DCC: variants seen among roughly 807,000 people sequenced by gnomAD.
The protein encoded by DCC is DCC netrin 1 receptor.
DCC carries 58 observed loss-of-function variants against 172.5 expected under a neutral mutation model. That is an observed-to-expected ratio of 0.34 (90% CI 0.27 to 0.42). The LOEUF (loss-of-function observed/expected upper bound fraction) is 0.42, where lower values mean the gene tolerates loss of function less well. Among genes scored for constraint, DCC ranks in the 10% least tolerant of loss-of-function variants. The probability of loss-of-function intolerance (pLI) is 1.00; values close to 1 mark genes in which losing one functional copy is unlikely to be tolerated. For synonymous variants in DCC, 709 were observed against 644.5 expected (o/e 1.10, Z -1.52); for missense variants, 1,740 against 1,791.0 (o/e 0.97, Z 0.51).
chr18:53,369,253 A>G (rs2144952563), intron 15 of DCC, among the ~76,000 whole-genome samples: 1 of 151,976 alleles, frequency 6.6e-6, no homozygotes. Flanking sequence ...ATTTTATGGA[A>G]ACACAACTGA....
intron 1 of DCC, among the ~76,000 whole-genome samples, chr18:52,505,961 C>T (rs2144637062): frequency 6.6e-6 from 1 of 152,034 alleles, no homozygotes; most frequent in East Asian, 1.9e-4. Context: ...GAAATATTTC[C>T]TTTGGTTGTG....
chr18:52,892,707 T>C (rs1479970253), intron 2 of DCC, among the ~76,000 whole-genome samples: 1 of 152,164 alleles, frequency 6.6e-6, no homozygotes, highest in Non-Finnish European at 1.5e-5. Flanking sequence ...TATCAAAAAT[T>C]TGGTAATTCT....
chr18:52,564,667 T>TGGG (rs66655401), intron 1 of DCC, among the ~76,000 whole-genome samples: 3 of 110,500 alleles, frequency 2.7e-5, no homozygotes, highest in African/African-American at 1.1e-4. Context: ...ATTATAATAT[T>TGGG]GGGGGGGGGG....
At chr18:53,007,498 A>G (rs1163439494) in intron 5 of DCC, among the ~76,000 whole-genome samples, 1 of 152,132 alleles carries the variant, frequency 6.6e-6, no homozygotes, top group African/African-American at 2.4e-5. Context: ...TAAGGAGGGA[A>G]ACCTAATTTG....
intron 1 of DCC, among the ~76,000 whole-genome samples, chr18:52,653,366 G>A (rs1050332090): frequency 1.3e-5 from 2 of 152,122 alleles, no homozygotes; most frequent in African/African-American, 4.8e-5. Context: ...TGTGATAGGA[G>A]ATTTATGTTT....
At chr18:52,967,698 T>C in intron 5 of DCC, among the ~76,000 whole-genome samples, 1 of 152,182 alleles carries the variant, frequency 6.6e-6, no homozygotes, top group East Asian at 1.9e-4. Context: ...TAGATCTCTC[T>C]CTAGATGAGC....
At chr18:52,846,443 G>A (rs1455928527) in intron 2 of DCC, among the ~76,000 whole-genome samples, 1 of 152,098 alleles carries the variant, frequency 6.6e-6, no homozygotes, top group African/African-American at 2.4e-5. Context: ...GGGAGTCTGA[G>A]GTAGGAGGAT....
intron 20 of DCC, among the ~76,000 whole-genome samples, chr18:53,415,253 T>C (rs994473002): frequency 6.6e-5 from 10 of 152,204 alleles, no homozygotes; most frequent in Non-Finnish European, 1.3e-4. Context: ...CTGAGACATA[T>C]ACAGGAAGCA....
chr18:53,087,966 C>G lies in DCC; in HGVS notation c.1261+21800C>G, dbSNP rs534045093. On this transcript the variant is annotated intron_variant, in intron 7 of 28. Transcript: ENST00000442544. ...TGTTCTGTTCCATTGATCTATATCT[C>G]TGTTTTGGTACCAGTACCATGCTGT... is the stretch of plus-strand genomic sequence containing the variant. Among the ~76,000 whole-genome samples the G allele has an allele frequency of 7.5e-3, 1,146 of 152,162 alleles. 8 individuals carry two copies. The highest frequency in any genetic ancestry group is 0.013 in the Non-Finnish European group (890 of 68,016).
chr18:52,886,732 G>C (rs966682759), intron 2 of DCC, among the ~76,000 whole-genome samples: 3 of 152,092 alleles, frequency 2.0e-5, no homozygotes, highest in African/African-American at 7.2e-5. Context: ...TTAGCGATAT[G>C]AAGTTAAAAC....
intron 3 of DCC, among the ~76,000 whole-genome samples, chr18:52,921,327 GTAAA>G (rs1465045913): frequency 1.3e-5 from 2 of 152,086 alleles, no homozygotes; most frequent in African/African-American, 4.8e-5. Flanking sequence ...CAACTGTTTT[GTAAA>G]TAAAAAATTT....
intron 5 of DCC, among the ~76,000 whole-genome samples, chr18:52,928,897 C>T (rs2040259382): frequency 6.6e-6 from 1 of 152,122 alleles, no homozygotes; most frequent in African/African-American, 2.4e-5. Context: ...CAGGTGTCAG[C>T]TTGTCCCACT....
intron 2 of DCC, among the ~76,000 whole-genome samples, chr18:52,865,152 A>G (rs1348913341): frequency 2.6e-5 from 4 of 152,114 alleles, no homozygotes; most frequent in South Asian, 2.1e-4. Flanking sequence ...GGTGTGAGCC[A>G]CCACACCCGC....
At chr18:52,376,902 C>G (rs960412234) in intron 1 of DCC, among the ~76,000 whole-genome samples, 1 of 152,118 alleles carries the variant, frequency 6.6e-6, no homozygotes, top group African/African-American at 2.4e-5. Context: ...GTGGTTAACA[C>G]GAAGTCAATG....
At chr18:53,459,587 A>G (rs1647315207) in intron 24 of DCC, 129 bp downstream of exon 24, 2 of 709,878 alleles carry the variant, frequency 2.8e-6, no homozygotes, top group Non-Finnish European at 5.1e-6. Context: ...CAATAGTTAA[A>G]TGGATCTAAT....
intron 5 of DCC, among the ~76,000 whole-genome samples, chr18:53,047,260 A>ATAATTT (rs1555700565): frequency 8.1e-5 from 1 of 12,344 alleles, no homozygotes; most frequent in Non-Finnish European, 1.7e-4. Flanking sequence ...ATATATATAT[A>ATAATTT]TATATATATA....
chr18:52,593,044 C>T (rs2033833571), intron 1 of DCC, among the ~76,000 whole-genome samples: 1 of 152,152 alleles, frequency 6.6e-6, no homozygotes, highest in Admixed American at 6.6e-5. Flanking sequence ...TTACCATGCT[C>T]CTCAGGTAGT....
rs35764678 is a variant in DCC, at chr18:52,532,713, G to GT, written c.91+191844dup. Among the ~76,000 whole-genome samples, 1,428 of 150,406 alleles carry GT rather than the reference G, an allele frequency of 9.5e-3. 6 individuals are homozygous for GT. The highest frequency in any genetic ancestry group is 0.038 in the Middle Eastern group (11 of 292). ...GAGAGAAGAGAGCTGTCTATAAACT[G>GT]TTTTTTTTTCTGAGGGCCTCTTGCT... On this transcript the variant is annotated intron_variant, in intron 1 of 28. Coordinates refer to ENST00000442544, the MANE Select transcript of DCC (RefSeq NM_005215.4).
chr18:52,759,805 A>G (rs2037130486), intron 2 of DCC, among the ~76,000 whole-genome samples: 1 of 152,230 alleles, frequency 6.6e-6, no homozygotes, highest in South Asian at 2.1e-4. Context: ...ACACAGATTA[A>G]CAAGAAAAAA....
Sources: allele counts gnomAD v4.1 joint callset (sites outside exome capture counted in the v4.1 genomes callset), GRCh38; gene constraint gnomAD v4.1.1; transcripts MANE v1.5; gene names NCBI Gene and HGNC (gene_info 2026-07-23, HGNC 2026-07-21).